LATS1: variants seen among roughly 807,000 people sequenced by gnomAD.
LATS1 encodes the protein large tumor suppressor kinase 1, also known as serine/threonine-protein kinase LATS1.
A neutral mutation model predicts 106.6 loss-of-function variants in LATS1; 25 were observed. The observed-to-expected ratio is 0.23, with a 90% CI of 0.17 to 0.33. The LOEUF is 0.33. LATS1 is among the 10% of genes least tolerant of loss of function. The pLI, the probability that LATS1 is intolerant of heterozygous loss-of-function variation, is 1.00. For synonymous variants in LATS1, 465 were observed against 455.6 expected (o/e 1.02, Z -0.26); for missense variants, 1,040 against 1,382.6 (o/e 0.75, Z 3.93).
chr6:149,683,133 T>C lies in LATS1; in HGVS notation c.1956A>G (p.Lys652=), dbSNP rs149243842. Residue 652 remains lysine (K), a synonymous_variant, in exon 4 of 8, where the codon AAA becomes AAG. Coordinates refer to ENST00000543571, the MANE Select transcript of LATS1 (RefSeq NM_004690.4). ...TACGATGTAGACGCTGCTGATGAGA[T>C]TTGAGTACATTTTCTACATGTTGCT... ...FMEQHVENVL[K]SHQQRLHRKK... 10 of 1,613,562 alleles carry C rather than the reference T, an allele frequency of 6.2e-6. No homozygotes were observed. Among genetic ancestry groups the C allele is most frequent in the Middle Eastern group, 1.7e-4 (1 of 5,924 alleles).
chr6:149,673,011 T>A (rs1781522262), intron 7 of LATS1, among the ~76,000 whole-genome samples: 1 of 151,880 alleles, frequency 6.6e-6, no homozygotes, highest in Non-Finnish European at 1.5e-5. Context: ...ACCTATAGAT[T>A]CCCTGGGATT....
chr6:149,680,998 C>A (rs1056913711), intron 4 of LATS1, among the ~76,000 whole-genome samples: 3 of 152,048 alleles, frequency 2.0e-5, no homozygotes, highest in Admixed American at 6.6e-5. Flanking sequence ...AATAAATATA[C>A]AACAGTCATT....
At position 149,661,726 on chromosome 6, in the gene LATS1, G is replaced by GT. The variant is rs781366987; in HGVS notation, c.*2dup. ...ATCCTCATTACATTTATTTACTAGT[G>GT]TGTTAAACATATACTAGATCGCGAT... On this transcript the variant is annotated 3_prime_UTR_variant, in exon 8 of 8. Transcript: ENST00000543571. 1.5e-5 allele frequency: 23 copies of GT among 1,536,396 alleles called. No homozygotes were observed. In the Admixed American group the frequency reaches 3.2e-4, roughly 22 times the overall value.
intron 1 of LATS1, among the ~76,000 whole-genome samples, chr6:149,706,333 C>G (rs1270812640): frequency 6.6e-6 from 1 of 151,346 alleles, no homozygotes; most frequent in Admixed American, 6.6e-5. Flanking sequence ...ATGGCAAAAC[C>G]CCGTCTCCAC....
chr6:149,694,584 A>T (rs756314591), intron 3 of LATS1, among the ~76,000 whole-genome samples: 25 of 152,290 alleles, frequency 1.6e-4, no homozygotes, highest in Admixed American at 2.6e-4. Flanking sequence ...GTATGTTCCC[A>T]TTTTTTGCTT....
rs768317185 is a variant in LATS1 at position 149,680,248 on chromosome 6, A to G, written c.2220T>C (p.Asp740=). ...GAGCGACTTGATTTCGAAGAAGAACATCTTTCTTTCGAAGAGTTTTTGTTG... is the reference window on the plus strand; with the variant it reads ...GAGCGACTTGATTTCGAAGAAGAACGTCTTTCTTTCGAAGAGTTTTTGTTG... The part of the protein sequence containing the change: ...LYATKTLRKK[D]VLLRNQVAHV... The change falls in exon 5 of 8, where the codon GAT becomes GAC. Residue 740 remains aspartate, a synonymous_variant. Transcript: ENST00000543571. 8 of 1,613,948 alleles carry G rather than the reference A, an allele frequency of 5.0e-6. No individual in the cohort carries two copies. The African/African-American group carries it at 9.3e-5, about 19-fold the overall frequency.
At chr6:149,711,405 G>A (rs1203352859) in intron 1 of LATS1, among the ~76,000 whole-genome samples, 3 of 152,058 alleles carry the variant, frequency 2.0e-5, no homozygotes, top group Admixed American at 6.6e-5. Context: ...TTAGCTGGGC[G>A]TGGTGGCATG....
At chr6:149,670,768 T>C (rs1582848141) in intron 7 of LATS1, among the ~76,000 whole-genome samples, 1 of 152,026 alleles carries the variant, frequency 6.6e-6, no homozygotes, top group East Asian at 1.9e-4. Flanking sequence ...GTCACTGGCT[T>C]GGGTTATTTG....
intron 7 of LATS1, 88 bp downstream of exon 7, chr6:149,676,172 A>G (rs773492091): frequency 1.1e-6 from 1 of 903,458 alleles, no homozygotes. Context: ...CTTTAACTCC[A>G]GACTAAAATG....
intron 1 of LATS1, among the ~76,000 whole-genome samples, chr6:149,707,869 T>C (rs969701675): frequency 6.6e-6 from 1 of 151,992 alleles, no homozygotes; most frequent in Non-Finnish European, 1.5e-5. Context: ...TGTACTAGTC[T>C]CTTTCTTCTT....
At chr6:149,717,777 G>A (rs1052907469) in intron 1 of LATS1, 72 bp downstream of exon 1, 23 of 273,084 alleles carry the variant, frequency 8.4e-5, no homozygotes, top group African/African-American at 5.2e-4. Context: ...GATGGGCGTG[G>A]GCCCCGGCGG....
In LATS1 at chr6:149,659,470, C is replaced by CA. The variant is rs1780813434; in HGVS notation, c.*2258dup. 4 of 223,272 alleles carry CA rather than the reference C, an allele frequency of 1.8e-5. No individual in the cohort carries two copies. The highest frequency in any genetic ancestry group is 4.5e-5 in the African/African-American group (2 of 44,358). 13.8% of individuals were successfully genotyped at this position (223,272 alleles called of 1,614,324 possible). On this transcript the variant is annotated 3_prime_UTR_variant, in exon 8 of 8. Coordinates refer to ENST00000543571, the MANE Select transcript of LATS1 (RefSeq NM_004690.4). Reference sequence around the variant, plus strand: ...TGAGACCCTGTCTCAAAACAAAAAACAAAAAAAGAATACAAAATTTGTAGT... The same window carrying CA: ...TGAGACCCTGTCTCAAAACAAAAAACAAAAAAAAGAATACAAAATTTGTAGT...
At position 149,684,171 on chromosome 6, in the gene LATS1, G is replaced by C. The variant is rs1247204676; in HGVS notation, c.918C>G (p.Asn306Lys). 2 of 1,614,220 alleles carry C rather than the reference G, an allele frequency of 1.2e-6. No individual in the cohort carries two copies. Among genetic ancestry groups the C allele is most frequent in the Non-Finnish European group, 1.7e-6 (2 of 1,180,048 alleles). Residue 306 changes from asparagine (N) to lysine (K), a missense_variant, in exon 4 of 8, where the codon AAC (asparagine) becomes AAG (lysine). Asn to Lys is a moderately conservative substitution (Grantham distance 94). Transcript: ENST00000543571. ...WQEGYPPPPL[N>K]TSPMNPPNQG... The stretch of plus-strand genomic sequence containing the variant: ...GATTAGGAGGATTCATGGGGGAAGT[G>C]TTGAGAGGTGGTGGAGGATAGCCCT...
At chr6:149,676,148 G>A (rs1040840300) in intron 7 of LATS1, 112 bp downstream of exon 7, 30 of 742,058 alleles carry the variant, frequency 4.0e-5, no homozygotes, top group Non-Finnish European at 5.2e-5. Context: ...CACTGCACCC[G>A]GCCCAAGTTC....
intron 7 of LATS1, among the ~76,000 whole-genome samples, chr6:149,668,972 C>G (rs531567583): frequency 6.6e-6 from 1 of 151,910 alleles, no homozygotes; most frequent in Non-Finnish European, 1.5e-5. Flanking sequence ...TGCCACACAC[C>G]AGCATGCTAG....
At chr6:149,709,063 C>CTGA (rs962443940) in intron 1 of LATS1, among the ~76,000 whole-genome samples, 8 of 152,162 alleles carry the variant, frequency 5.3e-5, no homozygotes, top group African/African-American at 1.7e-4. Context: ...GGTGGGCTAA[C>CTGA]TGATGTAAAC....
chr6:149,708,407 T>A lies in LATS1; in HGVS notation c.-140-6141A>T, dbSNP rs554911592. Among the ~76,000 whole-genome samples the A allele has an allele frequency of 6.3e-5, 8 of 127,752 alleles. No homozygotes were observed. In the South Asian group the frequency reaches 2.1e-3, roughly 33 times the overall value. 83.8% of individuals were successfully genotyped at this position (127,752 alleles called of 152,430 possible). A position where few individuals can be genotyped will look rare whatever the true frequency, so the allele number is the denominator to read the frequency against. On this transcript the variant is annotated intron_variant, in intron 1 of 7. Coordinates refer to ENST00000543571, the MANE Select transcript of LATS1 (RefSeq NM_004690.4). ...TCCAGCCTGGGCGACAGAGCGAGAC[T>A]GGATCTCAAAAAAAAAAAAAAAAAA...
chr6:149,671,240 C>T (rs35763894), intron 7 of LATS1, among the ~76,000 whole-genome samples: 67,605 of 151,378 alleles, frequency 0.45, 16,338 homozygotes, highest in East Asian at 0.81. Flanking sequence ...TTCAAGAGAT[C>T]CTCCTGCCTC....
chr6:149,694,657 T>G (rs1208134077), intron 3 of LATS1, among the ~76,000 whole-genome samples: 1 of 152,142 alleles, frequency 6.6e-6, no homozygotes, highest in African/African-American at 2.4e-5. Context: ...GAAAAAAGAC[T>G]GGGAAACAAA....
Sources: gnomAD v4.1 joint callset for allele counts (sites outside exome capture counted in the v4.1 genomes callset) on GRCh38, gnomAD v4.1.1 for gene constraint, MANE v1.5 for transcripts, NCBI Gene and HGNC (gene_info 2026-07-23, HGNC 2026-07-21) for gene names.